MAP3K5: variants seen among roughly 807,000 people sequenced by gnomAD.
MAP3K5 encodes the protein mitogen-activated protein kinase kinase kinase 5, also known as ASK-1.
In MAP3K5, 56 loss-of-function variants were observed where a neutral mutation model predicts 158.7. The ratio of observed to expected loss-of-function variants is 0.35; its 90% CI spans 0.28 to 0.44. The LOEUF is 0.44. Ranked by LOEUF, MAP3K5 falls within the 20% of genes least tolerant of loss-of-function variation. The pLI is 1.00. For synonymous variants in MAP3K5, 579 were observed against 601.7 expected (o/e 0.96, Z 0.55); for missense variants, 1,294 against 1,674.8 (o/e 0.77, Z 3.97).
chr6:136,746,953 CG>C (rs1582632171), intron 1 of MAP3K5, among the ~76,000 whole-genome samples: 1 of 152,174 alleles, frequency 6.6e-6, no homozygotes, highest in Admixed American at 6.5e-5. Context: ...AATTTTCTTT[CG>C]TTTTTTTGAG....
chr6:136,564,772 C>T (rs1447858212), intron 26 of MAP3K5, among the ~76,000 whole-genome samples: 1 of 152,178 alleles, frequency 6.6e-6, no homozygotes. Flanking sequence ...CAAACTATAA[C>T]TTAACAGGTA....
intron 23 of MAP3K5, among the ~76,000 whole-genome samples, chr6:136,589,071 T>C (rs961060497): frequency 6.6e-6 from 1 of 152,170 alleles, no homozygotes; most frequent in African/African-American, 2.4e-5. Context: ...CGATAAAATG[T>C]TTAGCAAAGA....
chr6:136,688,283 AG>A (rs907507406), intron 7 of MAP3K5, among the ~76,000 whole-genome samples: 42 of 152,266 alleles, frequency 2.8e-4, no homozygotes, highest in African/African-American at 9.1e-4. Flanking sequence ...GTAGGGGGCT[AG>A]GGGAGGCATA....
intron 2 of MAP3K5, among the ~76,000 whole-genome samples, chr6:136,719,898 C>A (rs958144363): frequency 6.6e-6 from 1 of 152,170 alleles, no homozygotes; most frequent in African/African-American, 2.4e-5. Flanking sequence ...GGAGGAAATG[C>A]CTTTATAGCA....
intron 23 of MAP3K5, among the ~76,000 whole-genome samples, chr6:136,588,060 G>C (rs947291408): frequency 6.6e-6 from 1 of 152,150 alleles, no homozygotes; most frequent in Admixed American, 6.5e-5. Context: ...TAGAGATTTA[G>C]GCAATTCCTG....
At chr6:136,569,252 A>C (rs1028425064) in intron 25 of MAP3K5, among the ~76,000 whole-genome samples, 6 of 152,206 alleles carry the variant, frequency 3.9e-5, no homozygotes, top group African/African-American at 1.4e-4. Context: ...CAAAGTCATC[A>C]CTTGTGGGGG....
At chr6:136,596,434 G>A (rs1229747236) in intron 21 of MAP3K5, among the ~76,000 whole-genome samples, 1 of 152,224 alleles carries the variant, frequency 6.6e-6, no homozygotes, top group Non-Finnish European at 1.5e-5. Context: ...ACATGGGTGG[G>A]AAGGAAGAGG....
intron 1 of MAP3K5, among the ~76,000 whole-genome samples, chr6:136,721,472 G>A (rs1250692874): frequency 6.6e-6 from 1 of 151,812 alleles, no homozygotes; most frequent in Non-Finnish European, 1.5e-5. Context: ...CCAGTAACAA[G>A]GTAGTAGAAA....
chr6:136,707,011 C>T (rs1257309013), intron 2 of MAP3K5, among the ~76,000 whole-genome samples: 5 of 152,030 alleles, frequency 3.3e-5, no homozygotes, highest in Non-Finnish European at 5.9e-5. Flanking sequence ...AGCTGGGTGT[C>T]GTGGCACACA....
intron 25 of MAP3K5, among the ~76,000 whole-genome samples, chr6:136,574,282 A>T (rs150794324): frequency 1.8e-4 from 28 of 152,306 alleles, no homozygotes; most frequent in African/African-American, 6.7e-4. Context: ...TAAGATCATA[A>T]TACTTGTGAG....
At chr6:136,581,276 T>C (rs982183120) in intron 24 of MAP3K5, among the ~76,000 whole-genome samples, 1 of 152,236 alleles carries the variant, frequency 6.6e-6, no homozygotes, top group Non-Finnish European at 1.5e-5. Flanking sequence ...TCATTCATGT[T>C]GTAGCATGTG....
chr6:136,569,791 A>AT (rs2129070747), intron 25 of MAP3K5, among the ~76,000 whole-genome samples: 1 of 152,306 alleles, frequency 6.6e-6, no homozygotes, highest in East Asian at 1.9e-4. Context: ...GAGTTTGGCT[A>AT]TTTTTTGTCA....
intron 14 of MAP3K5, among the ~76,000 whole-genome samples, chr6:136,626,215 C>T (rs894832468): frequency 2.6e-5 from 4 of 151,850 alleles, no homozygotes; most frequent in Non-Finnish European, 4.4e-5. Flanking sequence ...AGAAGGCAGT[C>T]GGGTGGTGTC....
chr6:136,660,790 T>C (rs1160858975), intron 8 of MAP3K5, among the ~76,000 whole-genome samples: 2 of 152,216 alleles, frequency 1.3e-5, no homozygotes, highest in Non-Finnish European at 2.9e-5. Context: ...CTCAGGAAAG[T>C]GACGCTAGTT....
chr6:136,645,218 T>A (rs1040193809), intron 11 of MAP3K5, among the ~76,000 whole-genome samples: 1 of 152,144 alleles, frequency 6.6e-6, no homozygotes, highest in Non-Finnish European at 1.5e-5. Flanking sequence ...CAGGTGTGAG[T>A]CACCATGCTC....
At chr6:136,703,821 G>A (rs1780955285) in intron 3 of MAP3K5, among the ~76,000 whole-genome samples, 1 of 152,146 alleles carries the variant, frequency 6.6e-6, no homozygotes, top group Admixed American at 6.5e-5. Flanking sequence ...TAAAATTTCT[G>A]ATTTAAGGAG....
At chr6:136,775,725 T>C (rs1271096829) in intron 1 of MAP3K5, among the ~76,000 whole-genome samples, 2 of 152,218 alleles carry the variant, frequency 1.3e-5, no homozygotes, top group East Asian at 1.9e-4. Context: ...TATTAAATAG[T>C]TGTGGCCTGG....
chr6:136,723,510 TTTTA>T (rs1485998602), intron 1 of MAP3K5, among the ~76,000 whole-genome samples: 80 of 152,304 alleles, frequency 5.3e-4, no homozygotes, highest in African/African-American at 1.4e-3. Flanking sequence ...TTATGAATTA[TTTTA>T]TTTTTCTATT....
intron 3 of MAP3K5, among the ~76,000 whole-genome samples, chr6:136,704,826 A>C (rs1781003416): frequency 6.6e-6 from 1 of 152,150 alleles, no homozygotes; most frequent in African/African-American, 2.4e-5. Flanking sequence ...GATTACAGGC[A>C]TGAGCCATCA....
Sources: allele counts gnomAD v4.1 joint callset (sites outside exome capture counted in the v4.1 genomes callset), GRCh38; gene constraint gnomAD v4.1.1; transcripts MANE v1.5; gene names NCBI Gene and HGNC (gene_info 2026-07-23, HGNC 2026-07-21).